Variants in POU5F2 observed in about 807,000 individuals in gnomAD.
POU5F2 encodes the protein POU domain class 5, transcription factor 2.
For synonymous variants in POU5F2, 191 were observed against 178.7 expected (o/e 1.07, Z -0.55); for missense variants, 401 against 426.6 (o/e 0.94, Z 0.53).
Position 93,741,528 on chromosome 5 carries a change from G to T in POU5F2, c.36C>A (p.Pro12=), listed in dbSNP as rs372798416. 1 of 1,600,346 alleles carries T rather than the reference G, an allele frequency of 6.2e-7. No homozygotes were observed. The highest frequency in any genetic ancestry group is 8.5e-7 in the Non-Finnish European group (1 of 1,173,660). ...GGCCGCCCCCACCACTGCCTGGAAG[G>T]GGGCAGAAGTGGTTTGAGGGCCTGT... is the stretch of plus-strand genomic sequence containing the variant. ...AGHRPSNHFC[P]LPGSGGGGPR... is the part of the protein sequence containing the mutation. Residue 12 remains proline (P), a synonymous_variant, in exon 1 of 1, where the codon CCC becomes CCA. Transcript: ENST00000606183.
rs190094264 is a variant in POU5F2 at position 93,741,270 on chromosome 5, G to A, written c.294C>T (p.Gly98=). ...GGGCAATGTAGGGCCCCGGGAGGGCGCCTTCGGAGGGGCGTCGCAACCAGT... is the reference window on the plus strand; with the variant it reads ...GGGCAATGTAGGGCCCCGGGAGGGCACCTTCGGAGGGGCGTCGCAACCAGT... ...AGDWLRRPSE[G]ALPGPYIALR... is the part of the protein sequence containing the mutation. Residue 98 remains glycine, a synonymous_variant, in exon 1 of 1, where the codon GGC becomes GGT. Coordinates refer to ENST00000606183, the MANE Select transcript of POU5F2 (RefSeq NM_153216.2). The A allele has an allele frequency of 8.7e-6, 14 of 1,613,816 alleles. No homozygotes were observed. The highest frequency in any genetic ancestry group is 3.3e-5 in the Admixed American group (2 of 60,024).
At position 93,739,578 on chromosome 5, in the gene POU5F2, CAGAGG is replaced by C. The variant is rs1747944241; in HGVS notation, c.*994_*998del. 2.6e-5 allele frequency: 4 copies of C among 151,996 alleles called. No homozygotes were observed. The highest frequency in any genetic ancestry group is 5.9e-5 in the Non-Finnish European group (4 of 68,014). The allele number at this position is 151,996 out of a possible 1,614,324, so 9.4% of individuals were successfully genotyped here. ...GTGTGTGACAGCAGATTTGAAAACA[CAGAGG>C]TACTAAATGGTTTCCATTTAGTATA... On this transcript the variant is annotated 3_prime_UTR_variant, in exon 1 of 1. Coordinates refer to ENST00000606183, the MANE Select transcript of POU5F2 (RefSeq NM_153216.2).
rs1561421140 is a variant in POU5F2 at position 93,734,478 on chromosome 5, T to TAAAGAAGGCACA, written c.*6098_*6099insTGTGCCTTCTTT. ...ATGTGATGAAGGCTATGAACCATCT[T>TAAAGAAGGCACA]TAAAGAAAATGCACATATGTACAAA... is the stretch of plus-strand genomic sequence containing the variant. On this transcript the variant is annotated 3_prime_UTR_variant, in exon 1 of 1. Transcript: ENST00000606183. The TAAAGAAGGCACA allele has an allele frequency of 6.6e-6, 1 of 152,174 alleles. No individual in the cohort carries two copies. The highest frequency in any genetic ancestry group is 2.4e-5 in the African/African-American group (1 of 41,434). 9.4% of individuals were successfully genotyped at this position (152,174 alleles called of 1,614,324 possible). A position where few individuals can be genotyped will look rare whatever the true frequency, so the allele number is the denominator to read the frequency against.
At position 93,736,461 on chromosome 5, in the gene POU5F2, T is replaced by C. The variant is rs971680985; in HGVS notation, c.*4116A>G. Reference sequence around the variant, plus strand: ...GCTGAGCTACATCTGGGCTACTTCATGTTGTGGACTATGGAAGATCTGGTT... The same window carrying C: ...GCTGAGCTACATCTGGGCTACTTCACGTTGTGGACTATGGAAGATCTGGTT... On this transcript the variant is annotated 3_prime_UTR_variant, in exon 1 of 1. Transcript: ENST00000606183. 35 of 152,210 alleles carry C rather than the reference T, an allele frequency of 2.3e-4. No homozygotes were observed. The highest frequency in any genetic ancestry group is 2.0e-3 in the Admixed American group (31 of 15,284). The allele number at this position is 152,210 out of a possible 1,614,324, so 9.4% of individuals were successfully genotyped here.
Position 93,735,488 on chromosome 5 carries a change from G to A in POU5F2, c.*5089C>T, listed in dbSNP as rs920970244. 5 of 152,316 alleles carry A rather than the reference G, an allele frequency of 3.3e-5. No homozygotes were observed. The highest frequency in any genetic ancestry group is 3.3e-4 in the Admixed American group (5 of 15,300). 9.4% of individuals were successfully genotyped at this position (152,316 alleles called of 1,614,324 possible). On this transcript the variant is annotated 3_prime_UTR_variant, in exon 1 of 1. Coordinates refer to ENST00000606183, the MANE Select transcript of POU5F2 (RefSeq NM_153216.2). Reference sequence around the variant, plus strand: ...CTGTAGAGGCTGCAGAAGAACTGAAGGAGCAGCTGAGGTCAGTGCCTCTTT... The same window carrying A: ...CTGTAGAGGCTGCAGAAGAACTGAAAGAGCAGCTGAGGTCAGTGCCTCTTT...
the POU5F2 span, chr5:93,741,029 TC>T: frequency 6.2e-7 from 1 of 1,613,814 alleles, no homozygotes; most frequent in Non-Finnish European, 8.5e-7. Context: ...GGTCGCAGCT[TC>T]CACATGTTGG....
Position 93,741,487 on chromosome 5 carries a change from G to T in POU5F2, c.77C>A (p.Pro26His), listed in dbSNP as rs1194871848. Reference sequence around the variant, plus strand: ...CCAGGTCAGAGTGTCAACCCGCAGGGGCATCGGCCCTCTGGGGCCGCCCCC... The same window carrying T: ...CCAGGTCAGAGTGTCAACCCGCAGGTGCATCGGCCCTCTGGGGCCGCCCCC... Reference protein sequence around the residue: ...SGGGGPRGPMPLRVDTLTWLS... With the variant: ...SGGGGPRGPMHLRVDTLTWLS... Residue 26 changes from proline to histidine, a missense_variant, in exon 1 of 1, where the codon CCC (proline) becomes CAC (histidine). Physicochemically the swap from Pro to His is moderately conservative, Grantham distance 77. Transcript: ENST00000606183. The T allele has an allele frequency of 5.6e-6, 9 of 1,613,038 alleles. No individual in the cohort carries two copies. Among genetic ancestry groups the T allele is most frequent in the Non-Finnish European group, 6.8e-6 (8 of 1,179,610 alleles).
chr5:93,740,909 G>A, the POU5F2 span: 3 of 1,613,820 alleles, frequency 1.9e-6, no homozygotes, highest in East Asian at 2.2e-5. Flanking sequence ...CCGATTCGTC[G>A]CTCTCTGCTT....
Position 93,739,375 on chromosome 5 carries a change from A to G in POU5F2, c.*1202T>C, listed in dbSNP as rs985723414. 2.0e-5 allele frequency: 3 copies of G among 152,182 alleles called. No individual in the cohort carries two copies. The highest frequency in any genetic ancestry group is 4.4e-5 in the Non-Finnish European group (3 of 68,036). 9.4% of individuals were successfully genotyped at this position (152,182 alleles called of 1,614,324 possible). On this transcript the variant is annotated 3_prime_UTR_variant, in exon 1 of 1. Transcript: ENST00000606183. ...AAAATTAATTAACTAGGGAATAAAA[A>G]TTGTAGTAAGTAGAATAAGTAAAAA...
rs768364996 is a variant in POU5F2, at chr5:93,741,515, C to T, written c.49G>A (p.Gly17Ser). The part of the protein sequence containing the change: ...SNHFCPLPGS[G>S]GGGPRGPMPL... Reference sequence around the variant, plus strand: ...ATCGGCCCTCTGGGGCCGCCCCCACCACTGCCTGGAAGGGGGCAGAAGTGG... The same window carrying T: ...ATCGGCCCTCTGGGGCCGCCCCCACTACTGCCTGGAAGGGGGCAGAAGTGG... Residue 17 changes from glycine to serine, a missense_variant, in exon 1 of 1, where the codon GGT (glycine) becomes AGT (serine). Transcript: ENST00000606183. 6.2e-7 allele frequency: 1 copy of T among 1,609,116 alleles called. No individual in the cohort carries two copies. The highest frequency in any genetic ancestry group is 1.3e-5 in the African/African-American group (1 of 74,778).
Position 93,740,503 on chromosome 5 carries a change from C to A in POU5F2, c.*74G>T. ...TTAATACTAAAAGCCCTCAAATGAA[C>A]CCTAGGGACATTTCCTGGGTTTTCC... On this transcript the variant is annotated 3_prime_UTR_variant, in exon 1 of 1. Transcript: ENST00000606183. 1 of 1,460,340 alleles carries A rather than the reference C, an allele frequency of 6.8e-7. No homozygotes were observed. The highest frequency in any genetic ancestry group is 2.2e-5 in the Admixed American group (1 of 45,464). The allele number at this position is 1,460,340 out of a possible 1,614,324, so 90.5% of individuals were successfully genotyped here. A position where few individuals can be genotyped will look rare whatever the true frequency, so the allele number is the denominator to read the frequency against.
Position 93,740,687 on chromosome 5 carries a change from G to A in POU5F2, c.877C>T (p.His293Tyr), listed in dbSNP as rs868786249. 1 of 1,613,876 alleles carries A rather than the reference G, an allele frequency of 6.2e-7. No homozygotes were observed. ...PPCPGAPVCFHLGLGLPVDIP... is the reference protein window; with the variant it reads ...PPCPGAPVCFYLGLGLPVDIP... ...TCCACTGGGAGCCCCAGTCCCAGGT[G>A]AAAGCACACTGGTGCTCCTGGGCAA... The change falls in exon 1 of 1, where the codon CAC (histidine) becomes TAC (tyrosine). Residue 293 changes from histidine to tyrosine, a missense_variant. Transcript: ENST00000606183.
In POU5F2 at chr5:93,736,020, G is replaced by A. The variant is rs540554449; in HGVS notation, c.*4557C>T. 1 of 152,256 alleles carries A rather than the reference G, an allele frequency of 6.6e-6. No homozygotes were observed. The highest frequency in any genetic ancestry group is 2.1e-4 in the South Asian group (1 of 4,824). 9.4% of individuals were successfully genotyped at this position (152,256 alleles called of 1,614,324 possible). On this transcript the variant is annotated 3_prime_UTR_variant, in exon 1 of 1. Coordinates refer to ENST00000606183, the MANE Select transcript of POU5F2 (RefSeq NM_153216.2). The stretch of plus-strand genomic sequence containing the variant: ...AGACATTAAGTTTTTCTTGAGCACT[G>A]ATGTAGCCCTAAGGATAAAAAAGCT...
In POU5F2 at chr5:93,740,722, G is replaced by T. The variant is rs570159269; in HGVS notation, c.842C>A (p.Ala281Asp). 6.2e-7 allele frequency: 1 copy of T among 1,613,074 alleles called. No homozygotes were observed. The highest frequency in any genetic ancestry group is 8.5e-7 in the Non-Finnish European group (1 of 1,179,442). The part of the protein sequence containing the change: ...DASPREIVGT[A>D]GPPCPGAPVC... ...TGGTGCTCCTGGGCAAGGAGGCCCG[G>T]CTGTCCCCACAATCTCCCGTGGGGA... Residue 281 changes from alanine to aspartate, a missense_variant, in exon 1 of 1, where the codon GCC becomes GAC. Coordinates refer to ENST00000606183, the MANE Select transcript of POU5F2 (RefSeq NM_153216.2).
chr5:93,740,773 A>G lies in POU5F2; in HGVS notation c.791T>C (p.Met264Thr), dbSNP rs1486988219. 1.2e-6 allele frequency: 2 copies of G among 1,612,446 alleles called. No individual in the cohort carries two copies. Among genetic ancestry groups the G allele is most frequent in the South Asian group, 1.1e-5 (1 of 90,858 alleles). ...VRVWFYNRSKMGSRPTNDASP... is the reference protein window; with the variant it reads ...VRVWFYNRSKTGSRPTNDASP... ...AGCATCATTGGTTGGTCGACTGCCC[A>G]TCTTGCTGCGGTTATAGAACCAAAC... The change falls in exon 1 of 1, where the codon ATG becomes ACG. Residue 264 changes from methionine (M) to threonine (T), a missense_variant. By Grantham distance (81) the Met-to-Thr change is moderately conservative. Transcript: ENST00000606183.
chr5:93,740,266 G>A lies in POU5F2; in HGVS notation c.*311C>T, dbSNP rs1291601308. ...ACCCTATGTTTACTGATAACCACAA[G>A]GAATAACAGACACAATATTTAATAA... is the stretch of plus-strand genomic sequence containing the variant. On this transcript the variant is annotated 3_prime_UTR_variant, in exon 1 of 1. Transcript: ENST00000606183. The A allele has an allele frequency of 8.2e-6, 2 of 243,790 alleles. No individual in the cohort carries two copies. Among genetic ancestry groups the A allele is most frequent in the Non-Finnish European group, 1.6e-5 (2 of 127,038 alleles). 15.1% of individuals were successfully genotyped at this position (243,790 alleles called of 1,614,324 possible).
Position 93,734,801 on chromosome 5 carries a change from ATTTC to A in POU5F2, c.*5772_*5775del, listed in dbSNP as rs1040374787. On this transcript the variant is annotated 3_prime_UTR_variant, in exon 1 of 1. Coordinates refer to ENST00000606183, the MANE Select transcript of POU5F2 (RefSeq NM_153216.2). Reference sequence around the variant, plus strand: ...TTATTGAAATGATATGGCTTAGTAGATTTCTTTTTCTTTTGCTTTTTTTTTTTGA... The same window carrying A: ...TTATTGAAATGATATGGCTTAGTAGATTTTTCTTTTGCTTTTTTTTTTTGA... 11 of 151,238 alleles carry A rather than the reference ATTTC, an allele frequency of 7.3e-5. No individual in the cohort carries two copies. The highest frequency in any genetic ancestry group is 2.7e-4 in the African/African-American group (11 of 41,124). 9.4% of individuals were successfully genotyped at this position (151,238 alleles called of 1,614,324 possible). A position where few individuals can be genotyped will look rare whatever the true frequency, so the allele number is the denominator to read the frequency against.
rs1249318466 is a variant in POU5F2 at position 93,738,215 on chromosome 5, T to A, written c.*2362A>T. 1 of 158,984 alleles carries A rather than the reference T, an allele frequency of 6.3e-6. No homozygotes were observed. Among genetic ancestry groups the A allele is most frequent in the Non-Finnish European group, 1.4e-5 (1 of 72,352 alleles). The allele number at this position is 158,984 out of a possible 1,614,324, so 9.8% of individuals were successfully genotyped here. On this transcript the variant is annotated 3_prime_UTR_variant, in exon 1 of 1. Transcript: ENST00000606183. ...ATGAAAAGATGCTCAACATCATTAG[T>A]CATTAGAGAAATACAAATCAAAACC...
Position 93,739,695 on chromosome 5 carries a change from T to C in POU5F2, c.*882A>G, listed in dbSNP as rs1427960691. On this transcript the variant is annotated 3_prime_UTR_variant, in exon 1 of 1. Transcript: ENST00000606183. ...ATTAGAAGAGTTATTTGACGTTTAATGGCAAAAACCACCAGGGAAGTTTGG... is the reference window on the plus strand; with the variant it reads ...ATTAGAAGAGTTATTTGACGTTTAACGGCAAAAACCACCAGGGAAGTTTGG... 1 of 152,156 alleles carries C rather than the reference T, an allele frequency of 6.6e-6. No individual in the cohort carries two copies. Among genetic ancestry groups the C allele is most frequent in the African/African-American group, 2.4e-5 (1 of 41,438 alleles). The allele number at this position is 152,156 out of a possible 1,614,324, so 9.4% of individuals were successfully genotyped here. A position where few individuals can be genotyped will look rare whatever the true frequency, so the allele number is the denominator to read the frequency against.
Sources: gnomAD v4.1 joint callset for allele counts on GRCh38, gnomAD v4.1.1 for gene constraint, MANE v1.5 for transcripts, NCBI Gene and HGNC (gene_info 2026-07-23, HGNC 2026-07-21) for gene names.